Variants in PICALM observed in about 807,000 individuals in gnomAD.
PICALM encodes phosphatidylinositol binding clathrin assembly protein.
PICALM carries 40 observed loss-of-function variants against 80.5 expected under a neutral mutation model. The ratio of observed to expected loss-of-function variants is 0.50; its 90% CI spans 0.39 to 0.65. The LOEUF is 0.65. Among genes scored for constraint, PICALM ranks in the 30% least tolerant of loss-of-function variants. The pLI is 0.00. For synonymous variants in PICALM, 288 were observed against 260.3 expected, an observed-to-expected ratio of 1.11 and a Z score of -1.02; for missense variants, 676 against 778.9, an observed-to-expected ratio of 0.87 and a Z score of 1.57.
At chr11:86,005,094 T>C (rs941653255) in intron 8 of PICALM, among the ~76,000 whole-genome samples, 2 of 152,206 alleles carry the variant, frequency 1.3e-5, no homozygotes, top group Non-Finnish European at 2.9e-5. Context: ...GGTATATCCA[T>C]ATTACAGATA....
intron 13 of PICALM, among the ~76,000 whole-genome samples, chr11:85,987,625 AC>A (rs1375899439): frequency 4.6e-5 from 7 of 152,366 alleles, no homozygotes; most frequent in Admixed American, 2.6e-4. Context: ...GTCCACATAT[AC>A]AAGAATTTTA....
chr11:85,963,230 C>T (rs1189672625), intron 19 of PICALM, among the ~76,000 whole-genome samples: 1 of 152,088 alleles, frequency 6.6e-6, no homozygotes, highest in Non-Finnish European at 1.5e-5. Context: ...AAGCTATTCA[C>T]ATAAAGCACA....
At chr11:86,032,335 A>G (rs1176334179) in intron 1 of PICALM, among the ~76,000 whole-genome samples, 3 of 152,178 alleles carry the variant, frequency 2.0e-5, no homozygotes, top group African/African-American at 7.2e-5. Flanking sequence ...AGAAAATGTA[A>G]AATAGGTTGG....
chr11:85,981,644 C>G, intron 16 of PICALM, 101 bp downstream of exon 16: 1 of 801,848 alleles, frequency 1.2e-6, no homozygotes, highest in South Asian at 1.5e-5. Flanking sequence ...GATATCTCTA[C>G]ACATATTTTT....
Position 85,969,131 on chromosome 11 carries a change from G to C in PICALM, c.1944+5577C>G, listed in dbSNP as rs550453652. On this transcript the variant is annotated intron_variant, in intron 19 of 19. Transcript: ENST00000393346. ...AACAGCCATCTGGAAGGTGTTAGCTGCTTCCTCATAAACAAGCACTAATGC... is the reference window on the plus strand; with the variant it reads ...AACAGCCATCTGGAAGGTGTTAGCTCCTTCCTCATAAACAAGCACTAATGC... Among the ~76,000 whole-genome samples, 20 of 152,314 alleles carry C rather than the reference G, an allele frequency of 1.3e-4. No homozygotes were observed. The South Asian group carries it at 3.9e-3, about 30-fold the overall frequency.
intron 12 of PICALM, among the ~76,000 whole-genome samples, chr11:85,994,718 A>ATTTCT (rs775497007): frequency 2.6e-5 from 4 of 152,104 alleles, no homozygotes; most frequent in Admixed American, 1.3e-4. Flanking sequence ...CATACATGAG[A>ATTTCT]TTTCTTTTCT....
chr11:86,065,291 C>T (rs2096430409), intron 1 of PICALM, among the ~76,000 whole-genome samples: 1 of 151,876 alleles, frequency 6.6e-6, no homozygotes, highest in South Asian at 2.1e-4. Flanking sequence ...ACTAAAAATA[C>T]AAAAATTAGC....
intron 11 of PICALM, among the ~76,000 whole-genome samples, chr11:85,998,333 G>A (rs1436695306): frequency 2.0e-5 from 3 of 149,230 alleles, no homozygotes; most frequent in Non-Finnish European, 4.5e-5. Context: ...GGATGGTCTC[G>A]ATCTCCTGAC....
At chr11:86,064,106 G>A (rs2096409773) in intron 1 of PICALM, among the ~76,000 whole-genome samples, 2 of 152,156 alleles carry the variant, frequency 1.3e-5, no homozygotes, top group African/African-American at 2.4e-5. Flanking sequence ...TATGTTATAC[G>A]CATTTTTAAT....
chr11:85,983,898 T>C lies in PICALM; in HGVS notation c.1484A>G (p.Asn495Ser), dbSNP rs774935932. 1 of 1,591,254 alleles carries C rather than the reference T, an allele frequency of 6.3e-7. No homozygotes were observed. The highest frequency in any genetic ancestry group is 1.7e-5 in the Admixed American group (1 of 59,570). Residue 495 changes from asparagine (N) to serine (S), a missense_variant, in exon 14 of 20, where the codon AAT becomes AGT. Coordinates refer to ENST00000393346, the MANE Select transcript of PICALM (RefSeq NM_007166.4). ...LNVDFESVFGNKSTNVIVDSG... is the reference protein window; with the variant it reads ...LNVDFESVFGSKSTNVIVDSG... The stretch of plus-strand genomic sequence containing the variant: ...ATCTACAATAACATTTGTAGATTTA[T>C]TTCCAAACACAGATTCAAAGTCAAC...
intron 12 of PICALM, among the ~76,000 whole-genome samples, chr11:85,993,617 T>C (rs1451526657): frequency 2.0e-5 from 3 of 151,904 alleles, no homozygotes; most frequent in Non-Finnish European, 2.9e-5. Flanking sequence ...TTTTACATTT[T>C]TTGTAGAGAT....
chr11:86,000,394 C>T (rs2136089843), intron 11 of PICALM, among the ~76,000 whole-genome samples: 1 of 152,228 alleles, frequency 6.6e-6, no homozygotes, highest in Non-Finnish European at 1.5e-5. Context: ...AAAGTTGGCC[C>T]AGAGATAACA....
intron 3 of PICALM, chr11:86,023,313 CATTT>C: frequency 3.5e-6 from 1 of 284,476 alleles, no homozygotes; most frequent in Non-Finnish European, 5.3e-6. Context: ...ATCACCAGTT[CATTT>C]ATTTAGCAAA....
chr11:85,989,610 C>A (rs1298378073), intron 13 of PICALM, among the ~76,000 whole-genome samples: 2 of 152,072 alleles, frequency 1.3e-5, no homozygotes, highest in Admixed American at 6.6e-5. Context: ...CCCTATATAA[C>A]CTCAGTGTGA....
In PICALM at chr11:85,957,440, G is replaced by C. The variant is rs2135196360; in HGVS notation, c.*1606C>G. On this transcript the variant is annotated 3_prime_UTR_variant, in exon 20 of 20. Coordinates refer to ENST00000393346, the MANE Select transcript of PICALM (RefSeq NM_007166.4). ...TAAACTTACCTGACTAAAGGCATCT[G>C]ATCAAAAGACAAAAAGTGAACAATT... Among the ~76,000 whole-genome samples, 1 of 152,272 alleles carries C rather than the reference G, an allele frequency of 6.6e-6. No homozygotes were observed. The highest frequency in any genetic ancestry group is 1.5e-5 in the Non-Finnish European group (1 of 68,024).
rs199763847 is a variant in PICALM, at chr11:85,981,784, G to A, written c.1649-9C>T. Reference sequence around the variant, plus strand: ...ATTTCCGATGCCAAGATCTAGGAAAGGAGAAAAACAAAAAAGCATTTTATA... The same window carrying A: ...ATTTCCGATGCCAAGATCTAGGAAAAGAGAAAAACAAAAAAGCATTTTATA... On this transcript the variant is annotated splice_polypyrimidine_tract_variant and intron_variant, in intron 15 of 19. Transcript: ENST00000393346. The A allele has an allele frequency of 2.5e-6, 4 of 1,612,410 alleles. No homozygotes were observed. Among genetic ancestry groups the A allele is most frequent in the Non-Finnish European group, 3.4e-6 (4 of 1,178,576 alleles).
At chr11:85,986,451 C>T (rs1448516666) in intron 13 of PICALM, among the ~76,000 whole-genome samples, 1 of 131,932 alleles carries the variant, frequency 7.6e-6, no homozygotes, top group Admixed American at 9.1e-5. Context: ...ACTGCAGTGG[C>T]GCAATCTCGG....
At chr11:86,049,960 G>A (rs954993788) in intron 1 of PICALM, among the ~76,000 whole-genome samples, 6 of 151,996 alleles carry the variant, frequency 3.9e-5, no homozygotes, top group South Asian at 2.1e-4. Flanking sequence ...AGCACTTTAG[G>A]AGGTCAACGT....
intron 1 of PICALM, among the ~76,000 whole-genome samples, chr11:86,040,003 C>CAAAAAA (rs752086947): frequency 5.6e-5 from 3 of 53,388 alleles, no homozygotes; most frequent in South Asian, 6.4e-4. Flanking sequence ...GACGCCGTCT[C>CAAAAAA]AAAAAAAAAA....
Sources: allele counts gnomAD v4.1 joint callset (sites outside exome capture counted in the v4.1 genomes callset), GRCh38; gene constraint gnomAD v4.1.1; transcripts MANE v1.5; gene names NCBI Gene and HGNC (gene_info 2026-07-23, HGNC 2026-07-21).